VSIG4: variants seen among roughly 807,000 people sequenced by gnomAD.
VSIG4 encodes V-set and immunoglobulin domain-containing protein 4.
Under a neutral mutation model 23.4 loss-of-function variants are expected in VSIG4, and 34 were observed. That is an observed-to-expected ratio of 1.45 (90% CI 1.10 to 1.93). The LOEUF is 1.93. VSIG4 is among the 30% of genes most tolerant of loss of function. VSIG4 has a pLI of 0.00. For synonymous variants in VSIG4, 169 were observed against 120.3 expected, an observed-to-expected ratio of 1.41 and a Z score of -2.65; for missense variants, 433 against 310.8, an observed-to-expected ratio of 1.39 and a Z score of -2.96.
chrX:66,021,810 A>T lies in VSIG4; in HGVS notation c.*453T>A, dbSNP rs2085334612. 3.8e-6 allele frequency: 1 copy of T among 262,033 alleles called. No homozygotes were observed. The highest frequency in any genetic ancestry group is 5.1e-5 in the Admixed American group (1 of 19,627). The allele number at this position is 262,033 out of a possible 1,213,427, so 21.6% of individuals were successfully genotyped here. A position where few individuals can be genotyped will look rare whatever the true frequency, so the allele number is the denominator to read the frequency against. ...CATTAGACTTATAGTGGAGGAGCAG[A>T]ACTGAACCCTGGCCTGTGAAATAAC... On this transcript the variant is annotated 3_prime_UTR_variant, in exon 8 of 8. Transcript: ENST00000374737.
At chrX:66,031,755 A>G (rs760308820) in intron 3 of VSIG4, among the ~76,000 whole-genome samples, 17 of 111,476 alleles carry the variant, frequency 1.5e-4, no homozygotes, top group Non-Finnish European at 2.6e-4. Context: ...CTTTATATGC[A>G]TAGTTTGTAG....
intron 5 of VSIG4, among the ~76,000 whole-genome samples, chrX:66,026,052 G>A (rs1177997628): frequency 1.8e-5 from 2 of 112,121 alleles, no homozygotes; most frequent in Non-Finnish European, 3.8e-5. Context: ...AATGAATACA[G>A]TGACCTTAGA....
chrX:66,036,510 G>C (rs1361928809), intron 1 of VSIG4, among the ~76,000 whole-genome samples: 3 of 99,826 alleles, frequency 3.0e-5, no homozygotes, highest in Non-Finnish European at 6.0e-5. Context: ...ATATCTCTCT[G>C]TGTGACCTTG....
intron 5 of VSIG4, among the ~76,000 whole-genome samples, chrX:66,026,252 C>T (rs902690431): frequency 4.5e-5 from 5 of 111,910 alleles, no homozygotes; most frequent in Admixed American, 9.5e-5. Context: ...TTTCATGAGA[C>T]TCTAAGATAT....
chrX:66,034,054 T>C (rs2085502265), intron 1 of VSIG4, among the ~76,000 whole-genome samples: 1 of 111,867 alleles, frequency 8.9e-6, no homozygotes, highest in South Asian at 3.7e-4. Flanking sequence ...CTTGTGAGTT[T>C]CAAGTCCTTT....
Position 66,028,077 on chromosome X carries a change from G to C in VSIG4, c.730C>G (p.Pro244Ala), listed in dbSNP as rs1020686087. The C allele has an allele frequency of 3.3e-6, 4 of 1,209,092 alleles. No individual in the cohort carries two copies. Among genetic ancestry groups the C allele is most frequent in the Non-Finnish European group, 4.5e-6 (4 of 894,699 alleles). The change falls in exon 4 of 8, where the codon CCT (proline) becomes GCT (alanine). Residue 244 changes from proline (P) to alanine (A), a missense_variant. Coordinates refer to ENST00000374737, the MANE Select transcript of VSIG4 (RefSeq NM_007268.3). ...TTCAAGGGGTATGTCATGGTTGTAG[G>C]TGCCTCAGTCTTGGTCTTGAGTAGC... ...SKLLKTKTEA[P>A]TTMTYPLKAT...
At chrX:66,033,373 C>T (rs2085488135) in intron 2 of VSIG4, 101 bp downstream of exon 2, 1 of 729,739 alleles carries the variant, frequency 1.4e-6, no homozygotes, top group Non-Finnish European at 2.1e-6. Flanking sequence ...TGGAGAGCCT[C>T]TGTATAAACG....
intron 5 of VSIG4, 24 bp from the exon 6 acceptor site, chrX:66,025,153 T>C (rs1424999416): frequency 1.9e-6 from 2 of 1,079,856 alleles, no homozygotes; most frequent in East Asian, 3.2e-5. Flanking sequence ...CAAGATCAAG[T>C]GGTATTTGAT....
rs373290842 is a variant in VSIG4 at position 66,022,877 on chromosome X, G to A, written c.941-15C>T. 33 of 1,209,199 alleles carry A rather than the reference G, an allele frequency of 2.7e-5. No homozygotes were observed. The highest frequency in any genetic ancestry group is 2.3e-4 in the Middle Eastern group (1 of 4,370). Reference sequence around the variant, plus strand: ...GTAGACATGCTCTAGAAAAAAAGGAGGAATCATGTCAGAAGTTTTCATGGC... The same window carrying A: ...GTAGACATGCTCTAGAAAAAAAGGAAGAATCATGTCAGAAGTTTTCATGGC... On this transcript the variant is annotated splice_polypyrimidine_tract_variant and intron_variant, in intron 6 of 7. Coordinates refer to ENST00000374737, the MANE Select transcript of VSIG4 (RefSeq NM_007268.3).
In VSIG4 at chrX:66,040,003, G is replaced by A; in HGVS notation, c.-5C>T. 1.7e-6 allele frequency: 2 copies of A among 1,211,235 alleles called. No individual in the cohort carries two copies. The highest frequency in any genetic ancestry group is 1.8e-5 in the South Asian group (1 of 56,940). ...CAGGCCCAGTAAGATCCCCATCACA[G>A]CCAGAGCTACTTCTGTCCTTTCTTC... On this transcript the variant is annotated 5_prime_UTR_variant, in exon 1 of 8. Transcript: ENST00000374737.
chrX:66,035,675 A>G (rs1261498483), intron 1 of VSIG4, among the ~76,000 whole-genome samples: 1 of 111,915 alleles, frequency 8.9e-6, no homozygotes, highest in Non-Finnish European at 1.9e-5. Flanking sequence ...ATGCCCATAC[A>G]TATTTTTGGC....
intron 1 of VSIG4, among the ~76,000 whole-genome samples, chrX:66,038,286 C>A (rs999206091): frequency 1.5e-4 from 17 of 110,917 alleles, no homozygotes; most frequent in African/African-American, 4.9e-4. Context: ...CCAGTCAAGT[C>A]AACCTCCTCA....
intron 1 of VSIG4, 119 bp downstream of exon 1, chrX:66,039,825 T>C: frequency 1.2e-6 from 1 of 828,460 alleles, no homozygotes. Context: ...CTGCAGAGTT[T>C]GGCTGAGAAG....
At chrX:66,036,663 T>A (rs780940877) in intron 1 of VSIG4, among the ~76,000 whole-genome samples, 2 of 65,136 alleles carry the variant, frequency 3.1e-5, no homozygotes, top group South Asian at 7.2e-4. Flanking sequence ...TAATATATAA[T>A]ATAATATAAT....
At chrX:66,039,249 T>A (rs2085655789) in intron 1 of VSIG4, among the ~76,000 whole-genome samples, 1 of 112,049 alleles carries the variant, frequency 8.9e-6, no homozygotes, top group African/African-American at 3.2e-5. Context: ...GACATAGTAC[T>A]TGTCCTCAGG....
rs1347188599 is a variant in VSIG4, at chrX:66,028,230, A to G, written c.695-118T>C. The G allele has an allele frequency of 7.0e-6, 4 of 568,461 alleles. No homozygotes were observed. In the African/African-American group the frequency reaches 9.0e-5, roughly 13 times the overall value. 46.8% of individuals were successfully genotyped at this position (568,461 alleles called of 1,213,427 possible). On this transcript the variant is annotated intron_variant, in intron 3 of 7. Coordinates refer to ENST00000374737, the MANE Select transcript of VSIG4 (RefSeq NM_007268.3). ...CAGGTCCATACTTGGACCTGCCTCA[A>G]CACTTCTGTCATGATGCTGGTAAGT... is the stretch of plus-strand genomic sequence containing the variant.
intron 3 of VSIG4, among the ~76,000 whole-genome samples, chrX:66,032,024 C>T (rs1011785357): frequency 1.8e-5 from 2 of 111,857 alleles, no homozygotes; most frequent in Non-Finnish European, 3.8e-5. Flanking sequence ...GAGAAACAAT[C>T]AGACATAGTA....
At chrX:66,028,143 C>T in intron 3 of VSIG4, 31 bp from the exon 4 acceptor site, 2 of 1,165,213 alleles carry the variant, frequency 1.7e-6, no homozygotes, top group South Asian at 1.8e-5. Context: ...ATTGAAGGGA[C>T]CTGGTACCCT....
At chrX:66,035,652 A>G (rs1006542984) in intron 1 of VSIG4, among the ~76,000 whole-genome samples, 15 of 112,149 alleles carry the variant, frequency 1.3e-4, no homozygotes, top group Non-Finnish European at 3.8e-5. Context: ...GCTTTTCATT[A>G]TCATGGACTC....
Sources: allele counts gnomAD v4.1 joint callset (sites outside exome capture counted in the v4.1 genomes callset), GRCh38; gene constraint gnomAD v4.1.1; transcripts MANE v1.5; gene names NCBI Gene and HGNC (gene_info 2026-07-23, HGNC 2026-07-21).